The following GSE1 variants were observed in gnomAD, a reference collection of about 807,000 sequenced individuals.
GSE1 encodes Gse1 coiled-coil protein.
A neutral mutation model predicts 112.6 loss-of-function variants in GSE1; 32 were observed. The observed-to-expected ratio is 0.28, with a 90% CI of 0.21 to 0.38. The LOEUF (loss-of-function observed/expected upper bound fraction) is 0.38, where lower values mean the gene tolerates loss of function less well. Ranked by LOEUF, GSE1 falls within the 10% of genes least tolerant of loss-of-function variation. GSE1 has a pLI of 1.00. For missense variants in GSE1, 2,348 were observed against 1,699.2 expected (o/e 1.38, Z -6.71); for synonymous variants, 1,115 against 735.6 (o/e 1.52, Z -8.35).
rs2053657734 is a variant in GSE1, at chr16:85,676,058, G to T, written c.*3519G>T. ...CGGTCACTCTGGGGGCAGTTTAGAT[G>T]CTGTGAAATTAAACCTGTTCTAAGT... On this transcript the variant is annotated 3_prime_UTR_variant, in exon 16 of 16. Transcript: ENST00000253458. 6.6e-6 allele frequency: 1 copy of T among 152,626 alleles called. No homozygotes were observed. Among genetic ancestry groups the T allele is most frequent in the Admixed American group, 6.5e-5 (1 of 15,288 alleles). 9.5% of individuals were successfully genotyped at this position (152,626 alleles called of 1,614,324 possible). A position where few individuals can be genotyped will look rare whatever the true frequency, so the allele number is the denominator to read the frequency against.
At chr16:85,358,085 G>A (rs763354002) in intron 2 of GSE1, among the ~76,000 whole-genome samples, 3 of 152,112 alleles carry the variant, frequency 2.0e-5, no homozygotes, top group Non-Finnish European at 2.9e-5. Flanking sequence ...TGCTCTGTGC[G>A]GGGAGATGGC....
At chr16:85,629,741 A>G (rs796595756) in intron 1 of GSE1, among the ~76,000 whole-genome samples, 13 of 152,260 alleles carry the variant, frequency 8.5e-5, no homozygotes, top group African/African-American at 3.1e-4. Context: ...TCGAAGGGAC[A>G]TGTTTTGGAG....
intron 1 of GSE1, among the ~76,000 whole-genome samples, chr16:85,354,715 G>A (rs889382024): frequency 3.3e-5 from 5 of 152,234 alleles, no homozygotes; most frequent in South Asian, 4.1e-4. Context: ...CAGCATGACC[G>A]GGTGCTGCCC....
chr16:85,207,191 C>T (rs1306138487), intron 1 of GSE1, among the ~76,000 whole-genome samples: 1 of 152,188 alleles, frequency 6.6e-6, no homozygotes. Flanking sequence ...TCTGGGACCC[C>T]CCCGTCCTCC....
rs775585078 is a variant in GSE1 at position 85,235,428 on chromosome 16, C to CTCTGTGTGTGTGTGTG, written c.2283+63622_2283+63623insCTGTGTGTGTGTGTGT. Among the ~76,000 whole-genome samples the CTCTGTGTGTGTGTGTG allele has an allele frequency of 8.1e-4, 103 of 126,396 alleles. 1 individual carries two copies. The highest frequency in any genetic ancestry group is 2.3e-3 in the South Asian group (8 of 3,490). The allele number at this position is 126,396 out of a possible 152,430, so 82.9% of individuals were successfully genotyped here. Reference sequence around the variant, plus strand: ...GGGTGAGGGGGGTGATGGAAGGGTACTGTGTGTGTGTGTGTGTGTGTGTGT... The same window carrying CTCTGTGTGTGTGTGTG: ...GGGTGAGGGGGGTGATGGAAGGGTACTCTGTGTGTGTGTGTGTGTGTGTGTGTGTGTGTGTGTGTGT... On this transcript the variant is annotated intron_variant, in intron 1 of 2. Coordinates refer to the GSE1 transcript ENST00000637419.
chr16:85,414,125 T>A (rs1487825914), intron 2 of GSE1, among the ~76,000 whole-genome samples: 1 of 152,178 alleles, frequency 6.6e-6, no homozygotes, highest in Non-Finnish European at 1.5e-5. Flanking sequence ...ACAGAGGGTG[T>A]GCACAGCTGG....
intron 1 of GSE1, among the ~76,000 whole-genome samples, chr16:85,307,822 G>C (rs1225138331): frequency 6.6e-6 from 1 of 152,196 alleles, no homozygotes; most frequent in Admixed American, 6.5e-5. Context: ...GGTAAACAAA[G>C]ACACTCTCAT....
intron 2 of GSE1, among the ~76,000 whole-genome samples, chr16:85,396,767 G>A (rs1035914117): frequency 6.6e-6 from 1 of 152,256 alleles, no homozygotes; most frequent in African/African-American, 2.4e-5. Flanking sequence ...GGTGAGGGTG[G>A]CGGCAGGGGA....
intron 1 of GSE1, among the ~76,000 whole-genome samples, chr16:85,618,330 A>T (rs1411330621): frequency 6.6e-6 from 1 of 152,102 alleles, no homozygotes; most frequent in Non-Finnish European, 1.5e-5. Context: ...GTTGAGGGTG[A>T]GGATGAGATG....
chr16:85,617,218 C>T (rs572796843), intron 1 of GSE1, among the ~76,000 whole-genome samples: 104 of 152,348 alleles, frequency 6.8e-4, no homozygotes, highest in East Asian at 2.3e-3. Context: ...CACCCCGTGT[C>T]TGGAATCAGA....
intron 2 of GSE1, among the ~76,000 whole-genome samples, chr16:85,481,715 C>T (rs190628481): frequency 1.8e-4 from 28 of 152,300 alleles, no homozygotes; most frequent in African/African-American, 4.8e-4. Context: ...CTAATTCTGC[C>T]GCCAGAGCAA....
chr16:85,260,435 G>T (rs1907569429), intron 1 of GSE1, among the ~76,000 whole-genome samples: 1 of 142,566 alleles, frequency 7.0e-6, no homozygotes, highest in Non-Finnish European at 1.5e-5. Context: ...TGATTCTCCT[G>T]CTTCAGCGTC....
chr16:85,541,935 G>A (rs149443095), intron 2 of GSE1, among the ~76,000 whole-genome samples: 118 of 152,360 alleles, frequency 7.7e-4, no homozygotes, highest in African/African-American at 2.6e-3. Context: ...CATCAGGGGA[G>A]TTGTGAAGTT....
intron 1 of GSE1, among the ~76,000 whole-genome samples, chr16:85,188,269 C>CT (rs1555535927): frequency 6.6e-6 from 1 of 151,820 alleles, no homozygotes; most frequent in South Asian, 2.1e-4. Flanking sequence ...GCTGCCTGAC[C>CT]GTCTGTCTGC....
intron 2 of GSE1, among the ~76,000 whole-genome samples, chr16:85,641,257 A>T (rs574055929): frequency 1.5e-4 from 23 of 152,302 alleles, no homozygotes; most frequent in African/African-American, 4.3e-4. Context: ...TCCCGGCTCC[A>T]TCCGGCTCCC....
chr16:85,343,528 C>T (rs187016657), intron 1 of GSE1, among the ~76,000 whole-genome samples: 3 of 152,234 alleles, frequency 2.0e-5, no homozygotes, highest in East Asian at 3.9e-4. Context: ...GCAGGAAGGT[C>T]GCTTTAAGCC....
At chr16:85,376,347 C>T (rs943285345) in intron 2 of GSE1, among the ~76,000 whole-genome samples, 1 of 152,218 alleles carries the variant, frequency 6.6e-6, no homozygotes, top group Non-Finnish European at 1.5e-5. Context: ...GGCACAGTGC[C>T]CCTGCCCGTT....
intron 2 of GSE1, among the ~76,000 whole-genome samples, chr16:85,416,311 G>C (rs1006774701): frequency 2.0e-5 from 3 of 152,158 alleles, no homozygotes; most frequent in Non-Finnish European, 2.9e-5. Context: ...CCCGGGGCCG[G>C]GAGCTGGGAG....
intron 1 of GSE1, among the ~76,000 whole-genome samples, chr16:85,346,002 A>G (rs2046726243): frequency 1.3e-5 from 2 of 151,676 alleles, no homozygotes; most frequent in African/African-American, 2.4e-5. Flanking sequence ...GGATAGATGC[A>G]TGGACAGAGG....
Sources: allele counts gnomAD v4.1 joint callset (sites outside exome capture counted in the v4.1 genomes callset), GRCh38; gene constraint gnomAD v4.1.1; transcripts MANE v1.5; gene names NCBI Gene and HGNC (gene_info 2026-07-23, HGNC 2026-07-21).